FBF1: variants seen among roughly 807,000 people sequenced by gnomAD.
FBF1 encodes the protein Fas binding factor 1, also known as fas-binding factor 1.
Under a neutral mutation model 147.2 loss-of-function variants are expected in FBF1, and 119 were observed. That is an observed-to-expected ratio of 0.81 (90% confidence interval 0.70 to 0.94). The LOEUF (loss-of-function observed/expected upper bound fraction) is 0.94, where lower values mean the gene tolerates loss of function less well. FBF1 is among the 40% of genes least tolerant of loss of function. FBF1 has a pLI of 0.00. For synonymous variants in FBF1, 601 were observed against 609.0 expected, an observed-to-expected ratio of 0.99 and a Z score of 0.19; for missense variants, 1,449 against 1,500.8, an observed-to-expected ratio of 0.97 and a Z score of 0.57.
intron 28 of FBF1, 66 bp from the exon 29 acceptor site, chr17:75,912,373 G>C (rs2065461390): frequency 2.4e-6 from 3 of 1,258,680 alleles, no homozygotes; most frequent in Non-Finnish European, 3.3e-6. Flanking sequence ...GTCACAGCTT[G>C]TTCCTGCAGA....
At position 75,919,295 on chromosome 17, in the gene FBF1, CA is replaced by C. The variant is rs2065508720; in HGVS notation, c.2138+372del. 6.6e-6 allele frequency among the ~76,000 whole-genome samples: 1 copy of C among 152,206 alleles called. No homozygotes were observed. The highest frequency in any genetic ancestry group is 1.5e-5 in the Non-Finnish European group (1 of 68,028). ...TTAGTTTCCTTCTCTTCTAGAAAGG[CA>C]ACCCTATAAACATGGCAGGCACAAC... is the stretch of plus-strand genomic sequence containing the variant. On this transcript the variant is annotated intron_variant, in intron 20 of 29. Transcript: ENST00000636174. This position sits in a 1 kb window ranked among gnomAD's most constrained non-coding sequence, Gnocchi z 5.0.
rs2065449149 is a variant in FBF1, at chr17:75,910,183, C to T, written c.*540G>A. ...GGAGGAGGAGGGCCTGGCTGAGTTCCAGGAACATCTCACACCACAAGGGAG... is the reference window on the plus strand; with the variant it reads ...GGAGGAGGAGGGCCTGGCTGAGTTCTAGGAACATCTCACACCACAAGGGAG... On this transcript the variant is annotated 3_prime_UTR_variant, in exon 30 of 30. Coordinates refer to ENST00000636174, the MANE Select transcript of FBF1 (RefSeq NM_001319193.2). This position sits in a 1 kb window ranked among gnomAD's most constrained non-coding sequence, Gnocchi z 4.1. The T allele has an allele frequency of 2.5e-6, 1 of 396,072 alleles. No individual in the cohort carries two copies. Among genetic ancestry groups the T allele is most frequent in the Admixed American group, 3.4e-5 (1 of 29,818 alleles). 24.5% of individuals were successfully genotyped at this position (396,072 alleles called of 1,614,324 possible).
chr17:75,921,308 A>G lies in FBF1; in HGVS notation c.1616-6T>C. On this transcript the variant is annotated splice_polypyrimidine_tract_variant and splice_region_variant and intron_variant, in intron 16 of 29. Coordinates refer to ENST00000636174, the MANE Select transcript of FBF1 (RefSeq NM_001319193.2). ...CGGGAAACACGTGGCAGGCTCTGAA[A>G]CATCAACAACAGAGAAATGAACAGG... is the stretch of plus-strand genomic sequence containing the variant. 6.3e-7 allele frequency: 1 copy of G among 1,586,822 alleles called. No individual in the cohort carries two copies. Among genetic ancestry groups the G allele is most frequent in the Non-Finnish European group, 8.6e-7 (1 of 1,166,428 alleles).
In FBF1 at chr17:75,920,064, A is replaced by G. The variant is rs765952123; in HGVS notation, c.1874T>C (p.Leu625Pro). ...CTGGTGCTGCTGCTGCAGACTCCCC[A>G]GCAGCAGCTCATGCTGGGCCCGTTC... Reference protein sequence around the residue: ...ELERAQHELLLGSLQQQHQAD... With the variant: ...ELERAQHELLPGSLQQQHQAD... The change falls in exon 19 of 30, where the codon CTG (leucine) becomes CCG (proline). Residue 625 changes from leucine (L) to proline (P), a missense_variant. Physicochemically the swap from Leu to Pro is moderately conservative, Grantham distance 98 (BLOSUM62 -3). Coordinates refer to ENST00000636174, the MANE Select transcript of FBF1 (RefSeq NM_001319193.2). 4 of 1,598,768 alleles carry G rather than the reference A, an allele frequency of 2.5e-6. No individual in the cohort carries two copies. The Admixed American group carries it at 5.2e-5, about 21-fold the overall frequency.
At chr17:75,911,003 G>C (rs1413729300) in intron 29 of FBF1, among the ~76,000 whole-genome samples, 197 bp from the exon 30 acceptor site, 1 of 152,166 alleles carries the variant, frequency 6.6e-6, no homozygotes, top group East Asian at 1.9e-4. Flanking sequence ...TCCTGGCAAG[G>C]TTACTTGTTT....
At chr17:75,938,590 G>A (rs1048314407) in intron 1 of FBF1, among the ~76,000 whole-genome samples, 10 of 147,836 alleles carry the variant, frequency 6.8e-5, no homozygotes, top group African/African-American at 2.3e-4. Context: ...GACCGGGCGC[G>A]ATGGCTCATG....
chr17:75,920,063 C>A lies in FBF1; in HGVS notation c.1875G>T (p.Leu625=). Residue 625 remains leucine, a synonymous_variant, in exon 19 of 30, where the codon CTG becomes CTT. Transcript: ENST00000636174. ...CCTGGTGCTGCTGCTGCAGACTCCC[C>A]AGCAGCAGCTCATGCTGGGCCCGTT... The part of the protein sequence containing the change: ...ELERAQHELL[L]GSLQQQHQAD... 1.9e-6 allele frequency: 3 copies of A among 1,599,076 alleles called. No homozygotes were observed. The highest frequency in any genetic ancestry group is 2.6e-6 in the Non-Finnish European group (3 of 1,173,414).
At chr17:75,938,533 G>T (rs2065639100) in intron 1 of FBF1, among the ~76,000 whole-genome samples, 1 of 125,078 alleles carries the variant, frequency 8.0e-6, no homozygotes. Context: ...TCCAACCTAG[G>T]CAACAGAGTG....
At position 75,919,847 on chromosome 17, in the gene FBF1, C is replaced by T. The variant is rs181895621; in HGVS notation, c.1959G>A (p.Ser653=). Reference sequence around the variant, plus strand: ...GGAGCCGCTCCTCCCGTTGCTGGTACGATGTTTCTAGCACCTTGATGCGGC... The same window carrying T: ...GGAGCCGCTCCTCCCGTTGCTGGTATGATGTTTCTAGCACCTTGATGCGGC... The part of the protein sequence containing the change: ...HRSRIKVLET[S]YQQREERLRR... The change falls in exon 20 of 30, where the codon TCG becomes TCA. Residue 653 remains serine, a synonymous_variant. Coordinates refer to ENST00000636174, the MANE Select transcript of FBF1 (RefSeq NM_001319193.2). The surrounding 1 kb of genome is among the most constrained non-coding windows in gnomAD (Gnocchi z 5.0). The T allele has an allele frequency of 5.8e-4, 938 of 1,613,848 alleles. 6 individuals carry two copies. The Middle Eastern group carries it at 0.015, about 26-fold the overall frequency.
intron 8 of FBF1, among the ~76,000 whole-genome samples, chr17:75,927,775 G>A (rs1446073224): frequency 1.3e-5 from 2 of 152,164 alleles, no homozygotes; most frequent in Admixed American, 6.5e-5. Context: ...GGGTTCAGGA[G>A]AGGCACAGGC....
rs2065450710 is a variant in FBF1, at chr17:75,910,545, G to A, written c.*178C>T. 2 of 600,880 alleles carry A rather than the reference G, an allele frequency of 3.3e-6. No homozygotes were observed. Among genetic ancestry groups the A allele is most frequent in the Non-Finnish European group, 5.9e-6 (2 of 340,998 alleles). 37.2% of individuals were successfully genotyped at this position (600,880 alleles called of 1,614,324 possible). On this transcript the variant is annotated 3_prime_UTR_variant, in exon 30 of 30. Transcript: ENST00000636174. The surrounding 1 kb of genome is among the most constrained non-coding windows in gnomAD (Gnocchi z 4.1). ...ACACCACAGAGCCCCAGAGGCAGGG[G>A]CTGCCCCGGGCTGGCACATTTGGAA... is the stretch of plus-strand genomic sequence containing the variant.
chr17:75,940,162 C>T (rs1045044538), intron 1 of FBF1, among the ~76,000 whole-genome samples: 2 of 151,346 alleles, frequency 1.3e-5, no homozygotes, highest in African/African-American at 2.4e-5. Flanking sequence ...CAGGAGGTCT[C>T]GAACTCCTGA....
intron 28 of FBF1, among the ~76,000 whole-genome samples, chr17:75,912,842 ACCAGCCCGG>A (rs1415255339): frequency 6.6e-6 from 1 of 152,186 alleles, no homozygotes; most frequent in African/African-American, 2.4e-5. Context: ...GGAGTTCAAG[ACCAGCCCGG>A]CCAACATGGC....
At chr17:75,912,632 T>C (rs952342966) in intron 28 of FBF1, among the ~76,000 whole-genome samples, 9 of 152,204 alleles carry the variant, frequency 5.9e-5, no homozygotes, top group African/African-American at 2.4e-5. Flanking sequence ...ACTGTGCTGA[T>C]TGGGAATTGA....
In FBF1 at chr17:75,913,837, G is replaced by A. The variant is rs201020748; in HGVS notation, c.3130-18C>T. 1.3e-6 allele frequency: 2 copies of A among 1,588,778 alleles called. No individual in the cohort carries two copies. The highest frequency in any genetic ancestry group is 1.1e-5 in the South Asian group (1 of 87,960). Reference sequence around the variant, plus strand: ...AGATGCTCCTGTCCCCGTTCCCCCAGAAAGAAGGACTCAGCTGTGAGGTGG... The same window carrying A: ...AGATGCTCCTGTCCCCGTTCCCCCAAAAAGAAGGACTCAGCTGTGAGGTGG... On this transcript the variant is annotated intron_variant, in intron 27 of 29. Transcript: ENST00000636174.
At chr17:75,939,310 A>AC (rs201890282) in intron 1 of FBF1, among the ~76,000 whole-genome samples, 8,359 of 150,050 alleles carry the variant, frequency 0.056, 347 homozygotes, top group South Asian at 0.1. Flanking sequence ...AAAAAAAAAA[A>AC]AAAAAAACGT....
chr17:75,929,960 C>T (rs1160240991), intron 7 of FBF1, 37 bp downstream of exon 7: 1 of 1,243,380 alleles, frequency 8.0e-7, no homozygotes, highest in Non-Finnish European at 1.1e-6. Flanking sequence ...ACCCCACCCA[C>T]CCCCAGTTCT....
chr17:75,920,557 G>T, intron 17 of FBF1, 128 bp from the exon 18 acceptor site: 1 of 1,020,628 alleles, frequency 9.8e-7, no homozygotes, highest in Non-Finnish European at 1.4e-6. Context: ...ATGGGGCCAA[G>T]GCCTTGGAAA....
chr17:75,914,855 C>A lies in FBF1; in HGVS notation c.2706G>T (p.Ala902=), dbSNP rs550825443. The A allele has an allele frequency of 1.2e-6, 2 of 1,611,160 alleles. No individual in the cohort carries two copies. The highest frequency in any genetic ancestry group is 2.2e-5 in the East Asian group (1 of 44,844). Residue 902 remains alanine (A), a synonymous_variant, in exon 25 of 30, where the codon GCG becomes GCT. Coordinates refer to ENST00000636174, the MANE Select transcript of FBF1 (RefSeq NM_001319193.2). The part of the protein sequence containing the change: ...EERRRLAAEW[A]EFSAQQKLSK... ...TCAGCTTTTGCTGCGCGGAGAACTC[C>A]GCCCACTCGGCAGCCAGGCGCCGCC...
Sources: allele counts gnomAD v4.1 joint callset (sites outside exome capture counted in the v4.1 genomes callset), GRCh38; gene constraint gnomAD v4.1.1; non-coding constraint Gnocchi (gnomAD v3.1); transcripts MANE v1.5; gene names NCBI Gene and HGNC (gene_info 2026-07-23, HGNC 2026-07-21).